Variants in PLCXD3 observed in about 807,000 individuals in gnomAD.
The protein encoded by PLCXD3 is phosphatidylinositol specific phospholipase C X domain containing 3, also known as PI-PLC X domain-containing protein 3.
In PLCXD3, 19 loss-of-function variants were observed where a neutral mutation model predicts 25.5. The ratio of observed to expected loss-of-function variants is 0.75; its 90% confidence interval spans 0.52 to 1.09. PLCXD3 has a LOEUF of 1.09. Ranked by LOEUF, PLCXD3 falls within the 50% of genes least tolerant of loss-of-function variation. The probability of loss-of-function intolerance (pLI) is 0.00; values close to 1 mark genes in which losing one functional copy is unlikely to be tolerated. For missense variants in PLCXD3, 411 were observed against 388.1 expected (o/e 1.06, Z -0.50); for synonymous variants, 174 against 137.6 (o/e 1.26, Z -1.85).
intron 2 of PLCXD3, among the ~76,000 whole-genome samples, chr5:41,331,749 A>G (rs1743812971): frequency 6.6e-6 from 1 of 152,224 alleles, no homozygotes; most frequent in Non-Finnish European, 1.5e-5. Context: ...ACAGAGATAT[A>G]GACCAATGGA....
At chr5:41,378,001 G>A (rs1439345717) in intron 2 of PLCXD3, among the ~76,000 whole-genome samples, 1 of 152,004 alleles carries the variant, frequency 6.6e-6, no homozygotes, top group African/African-American at 2.4e-5. Context: ...ACACCTTTTG[G>A]TGCCATCACA....
intron 1 of PLCXD3, among the ~76,000 whole-genome samples, chr5:41,491,192 A>G (rs1276959203): frequency 3.3e-5 from 5 of 152,112 alleles, no homozygotes; most frequent in Admixed American, 3.3e-4. Context: ...TTCCTTATGT[A>G]CCCAGTAGTC....
At chr5:41,400,971 C>CCTAAT (rs1206532108) in intron 1 of PLCXD3, among the ~76,000 whole-genome samples, 2 of 150,012 alleles carry the variant, frequency 1.3e-5, no homozygotes, top group Non-Finnish European at 3.0e-5. Flanking sequence ...AATCTACATA[C>CCTAAT]CTATTATGTA....
intron 1 of PLCXD3, among the ~76,000 whole-genome samples, chr5:41,481,474 C>A (rs1748412929): frequency 6.6e-6 from 1 of 152,168 alleles, no homozygotes; most frequent in South Asian, 2.1e-4. Context: ...TGGAGCAAAA[C>A]CAACAATTAT....
intron 1 of PLCXD3, among the ~76,000 whole-genome samples, chr5:41,461,141 A>T (rs958980160): frequency 3.3e-5 from 5 of 152,012 alleles, no homozygotes; most frequent in African/African-American, 1.2e-4. Flanking sequence ...ATAAACTAAA[A>T]AATTATTTCT....
At chr5:41,413,636 T>C (rs1437576851) in intron 1 of PLCXD3, among the ~76,000 whole-genome samples, 3 of 152,160 alleles carry the variant, frequency 2.0e-5, no homozygotes, top group African/African-American at 7.2e-5. Context: ...ACAGGAGATA[T>C]GGGTTAACTG....
intron 1 of PLCXD3, among the ~76,000 whole-genome samples, chr5:41,466,186 C>G (rs1748014158): frequency 6.6e-6 from 1 of 151,872 alleles, no homozygotes; most frequent in African/African-American, 2.4e-5. Flanking sequence ...TAAAAACAGA[C>G]TTTAAGGGTT....
intron 1 of PLCXD3, among the ~76,000 whole-genome samples, chr5:41,440,464 C>T (rs970337102): frequency 1.3e-5 from 2 of 151,786 alleles, no homozygotes; most frequent in African/African-American, 4.8e-5. Flanking sequence ...AACTCCTGAC[C>T]TCAGATGATC....
chr5:41,458,800 G>T (rs1470453294), intron 1 of PLCXD3, among the ~76,000 whole-genome samples: 2 of 151,904 alleles, frequency 1.3e-5, no homozygotes, highest in Non-Finnish European at 2.9e-5. Context: ...ATTTATTTCA[G>T]GTGCTACATA....
At chr5:41,422,064 T>G (rs533000507) in intron 1 of PLCXD3, among the ~76,000 whole-genome samples, 2 of 152,186 alleles carry the variant, frequency 1.3e-5, no homozygotes, top group Non-Finnish European at 2.9e-5. Flanking sequence ...TGTATTAATT[T>G]AAACACACTT....
At chr5:41,447,318 G>GA (rs906037473) in intron 1 of PLCXD3, among the ~76,000 whole-genome samples, 3 of 152,002 alleles carry the variant, frequency 2.0e-5, no homozygotes, top group African/African-American at 4.8e-5. Flanking sequence ...GAAATGAAAT[G>GA]AAAAAAATAA....
At chr5:41,468,009 C>CTTTTTTTTTTTTTTTT (rs145732089) in intron 1 of PLCXD3, among the ~76,000 whole-genome samples, 1 of 52,404 alleles carries the variant, frequency 1.9e-5, no homozygotes, top group Non-Finnish European at 3.2e-5. Flanking sequence ...CAGCTTTATT[C>CTTTTTTTTTTTTTTTT]TTTTTTTTTT....
chr5:41,400,390 T>C (rs2150499507), intron 1 of PLCXD3, among the ~76,000 whole-genome samples: 1 of 152,272 alleles, frequency 6.6e-6, no homozygotes, highest in Admixed American at 6.5e-5. Flanking sequence ...TGAATTCCTA[T>C]GTTTGTTGCA....
At chr5:41,462,815 A>G (rs1747922558) in intron 1 of PLCXD3, among the ~76,000 whole-genome samples, 1 of 151,870 alleles carries the variant, frequency 6.6e-6, no homozygotes, top group Non-Finnish European at 1.5e-5. Flanking sequence ...AAGAAAAAGA[A>G]TGGGCCCAAC....
intron 1 of PLCXD3, among the ~76,000 whole-genome samples, chr5:41,452,100 T>G (rs912688415): frequency 1.3e-5 from 2 of 152,056 alleles, no homozygotes; most frequent in African/African-American, 4.8e-5. Flanking sequence ...GAAAGCAGAC[T>G]GAACAGCCCT....
chr5:41,338,579 C>G (rs550030256), intron 2 of PLCXD3, among the ~76,000 whole-genome samples: 26 of 152,176 alleles, frequency 1.7e-4, no homozygotes, highest in African/African-American at 6.0e-4. Context: ...AGGGGCTCAA[C>G]TCTAACATAT....
chr5:41,465,144 C>T (rs1292657253), intron 1 of PLCXD3, among the ~76,000 whole-genome samples: 1 of 151,782 alleles, frequency 6.6e-6, no homozygotes, highest in Non-Finnish European at 1.5e-5. Context: ...GAGTTGGATT[C>T]CTAAGCTTGC....
At chr5:41,491,303 T>C (rs1472606132) in intron 1 of PLCXD3, among the ~76,000 whole-genome samples, 2 of 152,236 alleles carry the variant, frequency 1.3e-5, no homozygotes, top group Non-Finnish European at 2.9e-5. Flanking sequence ...GAGAGATAGT[T>C]TGTTATAATT....
At chr5:41,393,714 T>C (rs2150497046) in intron 1 of PLCXD3, among the ~76,000 whole-genome samples, 1 of 151,850 alleles carries the variant, frequency 6.6e-6, no homozygotes. Context: ...GGTCAGGAGA[T>C]CGAGACCATC....
Sources: allele counts gnomAD v4.1 joint callset (sites outside exome capture counted in the v4.1 genomes callset), GRCh38; gene constraint gnomAD v4.1.1; transcripts MANE v1.5; gene names NCBI Gene and HGNC (gene_info 2026-07-23, HGNC 2026-07-21).